The following INTS6 variants were observed in gnomAD, a reference collection of about 807,000 sequenced individuals.
INTS6 encodes the protein integrator complex subunit 6, also known as DEAD box protein.
Under a neutral mutation model 104.9 loss-of-function variants are expected in INTS6, and 16 were observed. The observed-to-expected ratio is 0.15, with a 90% confidence interval of 0.10 to 0.23. The LOEUF (loss-of-function observed/expected upper bound fraction) is 0.23, where lower values mean the gene tolerates loss of function less well. Ranked by LOEUF, INTS6 falls within the 10% of genes least tolerant of loss-of-function variation. INTS6 has a pLI of 1.00. For missense variants in INTS6, 584 were observed against 1,062.8 expected (o/e 0.55, Z 6.26); for synonymous variants, 324 against 358.7 (o/e 0.90, Z 1.09).
chr13:51,369,342 G>C (rs1469589973), intron 15 of INTS6, 32 bp from the exon 16 acceptor site: 1 of 1,566,958 alleles, frequency 6.4e-7, no homozygotes, highest in Non-Finnish European at 8.6e-7. Flanking sequence ...AAAAATTATG[G>C]GATCCAGTCT....
At chr13:51,408,576 C>T (rs186918430) in intron 4 of INTS6, among the ~76,000 whole-genome samples, 3 of 152,258 alleles carry the variant, frequency 2.0e-5, no homozygotes, top group African/African-American at 7.2e-5. Flanking sequence ...GCACTTAATG[C>T]CTCAAGCACA....
chr13:51,452,738 C>T lies in INTS6; in HGVS notation c.-213G>A. ...AGACCCAGTGCTCCCCGTCGTACCC[C>T]CGCCTCCGCCTCCTCCTGCCTGCCT... On this transcript the variant is annotated 5_prime_UTR_variant, in exon 1 of 18. Coordinates refer to ENST00000311234, the MANE Select transcript of INTS6 (RefSeq NM_012141.3). This position sits in a 1 kb window ranked among gnomAD's most constrained non-coding sequence, Gnocchi z 4.2. 1.6e-6 allele frequency: 2 copies of T among 1,235,958 alleles called. No homozygotes were observed. The highest frequency in any genetic ancestry group is 1.8e-5 in the South Asian group (1 of 54,270). 76.6% of individuals were successfully genotyped at this position (1,235,958 alleles called of 1,614,324 possible).
Position 51,372,309 on chromosome 13 carries a change from T to G in INTS6, c.2104+1899A>C, listed in dbSNP as rs542156810. ...TCCATTTCTCTTGATTGAACAGTTT[T>G]TTTTTTTTTTTTAAAGTATTTGGGA... is the stretch of plus-strand genomic sequence containing the variant. On this transcript the variant is annotated intron_variant, in intron 15 of 17. Coordinates refer to ENST00000311234, the MANE Select transcript of INTS6 (RefSeq NM_012141.3). Among the ~76,000 whole-genome samples, 65 of 151,968 alleles carry G rather than the reference T, an allele frequency of 4.3e-4. 1 individual carries two copies. In the South Asian group the frequency reaches 0.011, roughly 27 times the overall value.
intron 3 of INTS6, among the ~76,000 whole-genome samples, chr13:51,355,441 C>T (rs1194396726): frequency 1.3e-5 from 2 of 152,086 alleles, no homozygotes; most frequent in Non-Finnish European, 2.9e-5. Context: ...TAGGAGTGTA[C>T]CCAAGGCATT....
chr13:51,382,541 A>G (rs1490704741), intron 9 of INTS6, among the ~76,000 whole-genome samples: 1 of 152,244 alleles, frequency 6.6e-6, no homozygotes, highest in East Asian at 1.9e-4. Context: ...GCTAGATTGT[A>G]CCCAGAAACT....
chr13:51,355,385 T>C (rs1009012562), intron 3 of INTS6, among the ~76,000 whole-genome samples: 11 of 152,300 alleles, frequency 7.2e-5, no homozygotes, highest in African/African-American at 2.2e-4. Context: ...ATGGGGTCAA[T>C]GTCCACAGCA....
chr13:51,432,991 T>C (rs763239872), intron 3 of INTS6, among the ~76,000 whole-genome samples: 4 of 152,250 alleles, frequency 2.6e-5, no homozygotes, highest in Non-Finnish European at 4.4e-5. Flanking sequence ...GAGGTCCTAA[T>C]AGCTTCGAAA....
chr13:51,361,209 G>GA (rs2137827347), downstream of INTS6: 1 of 982,588 alleles, frequency 1.0e-6, no homozygotes, highest in South Asian at 1.4e-5. Context: ...CATTTTTAAA[G>GA]AATGTGTTCT....
At chr13:51,426,511 A>G (rs1956987715) in intron 4 of INTS6, among the ~76,000 whole-genome samples, 2 of 152,208 alleles carry the variant, frequency 1.3e-5, no homozygotes, top group South Asian at 2.1e-4. Context: ...CACATTATAC[A>G]AGATTTGACA....
chr13:51,439,085 C>G (rs1231010625), intron 3 of INTS6: 2 of 152,196 alleles, frequency 1.3e-5, no homozygotes, highest in Non-Finnish European at 1.5e-5. Context: ...AAGTTTTACT[C>G]TGACACACCA....
chr13:51,447,177 A>C (rs1952936005), intron 3 of INTS6: 1 of 152,232 alleles, frequency 6.6e-6, no homozygotes, highest in South Asian at 2.1e-4. Context: ...AAAGATGTCT[A>C]TAGCTTAATA....
At chr13:51,392,243 T>C (rs1026669217) in intron 5 of INTS6, among the ~76,000 whole-genome samples, 3 of 152,222 alleles carry the variant, frequency 2.0e-5, no homozygotes, top group African/African-American at 7.2e-5. Context: ...ACTTGGAATA[T>C]AAAAATATAT....
At chr13:51,389,524 G>C in intron 5 of INTS6, 80 bp from the exon 6 acceptor site, 86 of 1,254,538 alleles carry the variant, frequency 6.9e-5, no homozygotes, top group East Asian at 9.0e-5. Context: ...TCATTAGCAA[G>C]AAAAAAACAA....
rs139437711 is a variant in INTS6 at position 51,356,553 on chromosome 13, C to T, written n.431-2217G>A. Among the ~76,000 whole-genome samples, 744 of 152,118 alleles carry T rather than the reference C, an allele frequency of 4.9e-3. 6 individuals are homozygous for T. The highest frequency in any genetic ancestry group is 0.017 in the African/African-American group (713 of 41,502). On this transcript the variant is annotated intron_variant and non_coding_transcript_variant, in intron 3 of 3. Transcript: ENST00000476666. ...TATTTTCTTCTACATCACTGTATTC[C>T]GTGAATCACTAGGGCTTACTGACTG... is the stretch of plus-strand genomic sequence containing the variant.
intron 4 of INTS6, among the ~76,000 whole-genome samples, chr13:51,415,135 A>G (rs529994752): frequency 8.6e-5 from 13 of 150,802 alleles, no homozygotes; most frequent in Non-Finnish European, 1.9e-4. Flanking sequence ...TTTTTTTTTT[A>G]AAGGAAAGGA....
chr13:51,388,723 A>G (rs1158903542), intron 6 of INTS6, among the ~76,000 whole-genome samples: 1 of 152,184 alleles, frequency 6.6e-6, no homozygotes. Flanking sequence ...TAGGTAACAT[A>G]CAATGCAGAG....
rs1182659368 is a variant in INTS6, at chr13:51,452,261, G to GCGCCCGCC, written c.111+146_111+153dup. ...GGGCCCCGGCCGAACCCGGCTCGCAGCGCCCGCCCGCCCGCGCGGTGGGGG... is the reference window on the plus strand; with the variant it reads ...GGGCCCCGGCCGAACCCGGCTCGCAGCGCCCGCCCGCCCGCCCGCCCGCGCGGTGGGGG... On this transcript the variant is annotated intron_variant, in intron 1 of 17. Coordinates refer to ENST00000311234, the MANE Select transcript of INTS6 (RefSeq NM_012141.3). This position sits in a 1 kb window ranked among gnomAD's most constrained non-coding sequence, Gnocchi z 4.2. 7.2e-6 allele frequency: 6 copies of GCGCCCGCC among 831,822 alleles called. No homozygotes were observed. The highest frequency in any genetic ancestry group is 9.6e-5 in the Admixed American group (2 of 20,782). The allele number at this position is 831,822 out of a possible 1,614,324, so 51.5% of individuals were successfully genotyped here.
At chr13:51,372,691 G>C (rs544913875) in intron 15 of INTS6, among the ~76,000 whole-genome samples, 2 of 152,210 alleles carry the variant, frequency 1.3e-5, no homozygotes, top group East Asian at 3.9e-4. Context: ...TGTCTCTCAA[G>C]ACATACGTCT....
At position 51,361,842 on chromosome 13, in the gene INTS6, A is replaced by G. The variant is rs758968136; in HGVS notation, c.*3910T>C. 1 of 1,610,544 alleles carries G rather than the reference A, an allele frequency of 6.2e-7. No individual in the cohort carries two copies. Among genetic ancestry groups the G allele is most frequent in the Non-Finnish European group, 8.5e-7 (1 of 1,178,380 alleles). On this transcript the variant is annotated 3_prime_UTR_variant, in exon 18 of 18. Coordinates refer to ENST00000311234, the MANE Select transcript of INTS6 (RefSeq NM_012141.3). ...GTTATTGAAAAGGTCTCGGATTCCT[A>G]TTTTTAAAGCAGATCGGCCATTCAT...
Sources: allele counts gnomAD v4.1 joint callset (sites outside exome capture counted in the v4.1 genomes callset), GRCh38; gene constraint gnomAD v4.1.1; non-coding constraint Gnocchi (gnomAD v3.1); transcripts MANE v1.5; gene names NCBI Gene and HGNC (gene_info 2026-07-23, HGNC 2026-07-21).